The following ASB14 variants were observed in gnomAD, a reference collection of about 807,000 sequenced individuals.
ASB14 encodes ankyrin repeat and SOCS box protein 14.
ASB14 carries 63 observed loss-of-function variants against 55.6 expected under a neutral mutation model. The observed-to-expected ratio is 1.13, with a 90% CI of 0.92 to 1.40. The LOEUF (loss-of-function observed/expected upper bound fraction) is 1.40, where lower values mean the gene tolerates loss of function less well. ASB14 is among the 40% of genes most tolerant of loss of function. ASB14 has a pLI of 0.00. For missense variants in ASB14, 724 were observed against 710.4 expected, an observed-to-expected ratio of 1.02 and a Z score of -0.22; for synonymous variants, 256 against 259.9, an observed-to-expected ratio of 0.98 and a Z score of 0.15.
At chr3:57,270,236 T>G (rs1673923266) in intron 10 of ASB14, 1 of 152,718 alleles carries the variant, frequency 6.5e-6, no homozygotes, top group African/African-American at 2.4e-5. Flanking sequence ...GGTTTCAAAT[T>G]GTGGCAGGTG....
chr3:57,276,588 C>T lies in ASB14; in HGVS notation c.1726G>A (p.Asp576Asn), dbSNP rs563559307. 24 of 1,613,122 alleles carry T rather than the reference C, an allele frequency of 1.5e-5. No homozygotes were observed. The highest frequency in any genetic ancestry group is 1.7e-4 in the Middle Eastern group (1 of 6,058). Residue 576 changes from aspartate (D) to asparagine (N), a missense_variant, in exon 10 of 11, where the codon GAC becomes AAC. By Grantham distance (23) the Asp-to-Asn change is conservative. Coordinates refer to ENST00000487349, the MANE Select transcript of ASB14 (RefSeq NM_001142733.3). ...GTAAAAATTCCTTGTCCATAAAGGT[C>T]GTATTCTTTGTAAAGGACATATGCT... ...LKAYVLYKEY[D>N]LYGQGIFTGT...
At chr3:57,286,117 T>C (rs1191640329) in intron 5 of ASB14, among the ~76,000 whole-genome samples, 1 of 152,218 alleles carries the variant, frequency 6.6e-6, no homozygotes, top group Non-Finnish European at 1.5e-5. Context: ...AAAACTATTA[T>C]TCACCACCAA....
intron 5 of ASB14, among the ~76,000 whole-genome samples, chr3:57,287,572 T>C (rs2061090059): frequency 6.6e-6 from 1 of 152,158 alleles, no homozygotes; most frequent in Non-Finnish European, 1.5e-5. Flanking sequence ...TTCTTAATAG[T>C]TTTCAACCAA....
intron 9 of ASB14, among the ~76,000 whole-genome samples, chr3:57,276,930 T>G (rs2060993782): frequency 6.6e-6 from 1 of 152,170 alleles, no homozygotes; most frequent in South Asian, 2.1e-4. Flanking sequence ...ATCCAAAGAC[T>G]GGCATCAATC....
In ASB14 at chr3:57,278,569, AT is replaced by A; in HGVS notation, c.1238del (p.Asn413IlefsTer19). 1 of 1,614,232 alleles carries A rather than the reference AT, an allele frequency of 6.2e-7. No homozygotes were observed. The highest frequency in any genetic ancestry group is 8.5e-7 in the Non-Finnish European group (1 of 1,180,044). On this transcript the variant is annotated frameshift_variant, in exon 8 of 11. Coordinates refer to ENST00000487349, the MANE Select transcript of ASB14 (RefSeq NM_001142733.3). LOFTEE classifies it high-confidence loss of function. ...GTAAAGGGTTAACTCTGCAGAAGTA[AT>A]TGACATTGGCCCCATGCCTTAGCAG... ...SLLLRHGANV[N>X]YFCRVNPLHF...
At position 57,268,898 on chromosome 3, in the gene ASB14, C is replaced by T. The variant is rs1332357115; in HGVS notation, c.*743G>A. 1 of 152,394 alleles carries T rather than the reference C, an allele frequency of 6.6e-6. No individual in the cohort carries two copies. The highest frequency in any genetic ancestry group is 2.4e-5 in the African/African-American group (1 of 41,390). 9.4% of individuals were successfully genotyped at this position (152,394 alleles called of 1,614,324 possible). ...TTGCCAGGAGTGTCAAATCATTGTC[C>T]ATCCAACAGAATAATTTTAAAAGAC... On this transcript the variant is annotated 3_prime_UTR_variant, in exon 11 of 11. Transcript: ENST00000487349.
In ASB14 at chr3:57,280,484, A is replaced by G; in HGVS notation, c.716-11T>C. 1 of 1,542,734 alleles carries G rather than the reference A, an allele frequency of 6.5e-7. No homozygotes were observed. Among genetic ancestry groups the G allele is most frequent in the Non-Finnish European group, 8.8e-7 (1 of 1,140,714 alleles). ...CATGAGCATTAGCTCCTAAGAGGAG[A>G]AAGACTCTTGTTAATGCAAAAATTA... is the stretch of plus-strand genomic sequence containing the variant. On this transcript the variant is annotated splice_polypyrimidine_tract_variant and intron_variant, in intron 6 of 10. Transcript: ENST00000487349.
Position 57,278,882 on chromosome 3 carries a change from G to A in ASB14, c.926C>T (p.Ala309Val). The change falls in exon 8 of 11, where the codon GCC becomes GTC. Residue 309 changes from alanine to valine, a missense_variant. Physicochemically the swap from Ala to Val is moderately conservative, Grantham distance 64. Transcript: ENST00000487349. ...KILIPVTDLA[A>V]IKQSGISPVH... is the part of the protein sequence containing the mutation. ...TGGACTGATCCCACTCTGCTTAATGGCAGCAAGATCCGTAACTGGAATCAG... is the reference window on the plus strand; with the variant it reads ...TGGACTGATCCCACTCTGCTTAATGACAGCAAGATCCGTAACTGGAATCAG... 6.2e-7 allele frequency: 1 copy of A among 1,613,596 alleles called. No homozygotes were observed.
chr3:57,292,118 C>T lies in ASB14; in HGVS notation c.-71-14G>A. On this transcript the variant is annotated splice_polypyrimidine_tract_variant and intron_variant, in intron 1 of 10. Transcript: ENST00000487349. ...TGAAGAGATCAACTGCTTAAAATTA[C>T]AAATGAAATTCAGAAATCTAGAAAA... is the stretch of plus-strand genomic sequence containing the variant. The T allele has an allele frequency of 8.0e-7, 1 of 1,244,848 alleles. No homozygotes were observed. Among genetic ancestry groups the T allele is most frequent in the Non-Finnish European group, 1.0e-6 (1 of 968,896 alleles). The allele number at this position is 1,244,848 out of a possible 1,614,324, so 77.1% of individuals were successfully genotyped here.
intron 5 of ASB14, among the ~76,000 whole-genome samples, chr3:57,285,542 A>G (rs1020816545): frequency 1.3e-5 from 2 of 152,186 alleles, no homozygotes. Flanking sequence ...TTTTTGTAGC[A>G]TAATTTTTGT....
intron 1 of ASB14, among the ~76,000 whole-genome samples, 168 bp downstream of exon 1, chr3:57,292,465 C>T (rs2061141590): frequency 6.6e-6 from 1 of 152,114 alleles, no homozygotes; most frequent in Non-Finnish European, 1.5e-5. Flanking sequence ...ACTTAATATA[C>T]ATTAAAAATA....
Position 57,292,425 on chromosome 3 carries a change from C to T in ASB14, c.-72+208G>A, listed in dbSNP as rs2061141000. 2.0e-5 allele frequency among the ~76,000 whole-genome samples: 3 copies of T among 152,302 alleles called. No homozygotes were observed. In the South Asian group the frequency reaches 6.2e-4, roughly 32 times the overall value. ...CTCATCCAAAATAATATCTTTCCTA[C>T]ACACAGTGTGATGCTGAAAATAATA... On this transcript the variant is annotated intron_variant, in intron 1 of 10. Coordinates refer to ENST00000487349, the MANE Select transcript of ASB14 (RefSeq NM_001142733.3).
chr3:57,283,887 T>G (rs1459967879), intron 5 of ASB14, among the ~76,000 whole-genome samples: 1 of 151,628 alleles, frequency 6.6e-6, no homozygotes, highest in African/African-American at 2.4e-5. Flanking sequence ...AATGAATGAC[T>G]AAAACACAAT....
intron 5 of ASB14, among the ~76,000 whole-genome samples, chr3:57,284,296 T>G (rs1227920296): frequency 6.6e-6 from 1 of 152,048 alleles, no homozygotes; most frequent in Non-Finnish European, 1.5e-5. Flanking sequence ...CTGGCTAATT[T>G]CTTTAAAAAT....
chr3:57,278,728 C>G lies in ASB14; in HGVS notation c.1080G>C (p.Leu360Phe). 1 of 1,613,914 alleles carries G rather than the reference C, an allele frequency of 6.2e-7. No individual in the cohort carries two copies. Among genetic ancestry groups the G allele is most frequent in the Non-Finnish European group, 8.5e-7 (1 of 1,179,934 alleles). The change falls in exon 8 of 11, where the codon TTG (leucine) becomes TTC (phenylalanine). Residue 360 changes from leucine to phenylalanine, a missense_variant. Leu to Phe is a conservative substitution (Grantham distance 22). Transcript: ENST00000487349. ...GGTCACTGTTTGATACAGCAAAATA[C>G]AAAGCTGACTTCCTGTGGTCATCGT... ...KHYDDHRKSA[L>F]YFAVSNSDLS... is the part of the protein sequence containing the mutation.
rs2060910870 is a variant in ASB14 at position 57,268,497 on chromosome 3, C to A, written c.*1144G>T. On this transcript the variant is annotated 3_prime_UTR_variant, in exon 11 of 11. Coordinates refer to ENST00000487349, the MANE Select transcript of ASB14 (RefSeq NM_001142733.3). The stretch of plus-strand genomic sequence containing the variant: ...AAAACAGATTGAAAAGGTATACAGT[C>A]CTAATGTCTGGATCTTTATGTGTTG... 1 of 1,580,136 alleles carries A rather than the reference C, an allele frequency of 6.3e-7. No individual in the cohort carries two copies. The highest frequency in any genetic ancestry group is 1.2e-5 in the South Asian group (1 of 85,238).
intron 10 of ASB14, among the ~76,000 whole-genome samples, chr3:57,274,038 GTTTGA>G (rs1013273057): frequency 3.3e-5 from 5 of 151,924 alleles, no homozygotes; most frequent in Non-Finnish European, 1.5e-5. Context: ...TCACTTACCA[GTTTGA>G]TTTAAAAAAT....
intron 9 of ASB14, 54 bp from the exon 10 acceptor site, chr3:57,276,782 C>T: frequency 2.6e-6 from 4 of 1,510,790 alleles, no homozygotes; most frequent in Non-Finnish European, 3.6e-6. Context: ...TTTTTAGTAT[C>T]TTAGGGTTTT....
At chr3:57,284,625 A>G (rs1214221207) in intron 5 of ASB14, among the ~76,000 whole-genome samples, 2 of 152,210 alleles carry the variant, frequency 1.3e-5, no homozygotes, top group Non-Finnish European at 2.9e-5. Context: ...GAAGAGAGGA[A>G]AACTAGCTCT....
Sources: allele counts gnomAD v4.1 joint callset (sites outside exome capture counted in the v4.1 genomes callset), GRCh38; gene constraint gnomAD v4.1.1; transcripts MANE v1.5; gene names NCBI Gene and HGNC (gene_info 2026-07-23, HGNC 2026-07-21).